The following SPATA16 variants were observed in gnomAD, a reference collection of about 807,000 sequenced individuals.
SPATA16 encodes the protein spermatogenesis associated 16.
Under a neutral mutation model 63.3 loss-of-function variants are expected in SPATA16, and 36 were observed. The ratio of observed to expected loss-of-function variants is 0.57; its 90% CI spans 0.44 to 0.75. SPATA16 has a LOEUF of 0.75. Among genes scored for constraint, SPATA16 ranks in the 30% least tolerant of loss-of-function variants. SPATA16 has a pLI of 0.00. For synonymous variants in SPATA16, 203 were observed against 216.7 expected, an observed-to-expected ratio of 0.94 and a Z score of 0.56; for missense variants, 646 against 679.3, an observed-to-expected ratio of 0.95 and a Z score of 0.54.
chr3:172,996,987 C>G (rs1392786882), intron 4 of SPATA16, among the ~76,000 whole-genome samples: 1 of 152,008 alleles, frequency 6.6e-6, no homozygotes, highest in African/African-American at 2.4e-5. Context: ...TAGTGCCAAA[C>G]AGTATTCTAT....
intron 4 of SPATA16, among the ~76,000 whole-genome samples, chr3:172,991,350 C>T (rs549026087): frequency 6.6e-6 from 1 of 152,148 alleles, no homozygotes; most frequent in Non-Finnish European, 1.5e-5. Flanking sequence ...ATCTCATTTT[C>T]TTCTTTTCCT....
At chr3:172,925,156 G>T (rs1316259610) in intron 7 of SPATA16, among the ~76,000 whole-genome samples, 190 bp downstream of exon 7, 1 of 152,086 alleles carries the variant, frequency 6.6e-6, no homozygotes. Context: ...GATGATTAGA[G>T]TGAGGGGGGT....
intron 4 of SPATA16, among the ~76,000 whole-genome samples, chr3:173,000,290 C>A (rs953741304): frequency 6.6e-6 from 1 of 152,188 alleles, no homozygotes; most frequent in Non-Finnish European, 1.5e-5. Context: ...GTGTGAAATA[C>A]ATTTCTATTG....
At chr3:173,051,408 T>G (rs980857582) in intron 2 of SPATA16, among the ~76,000 whole-genome samples, 1 of 152,166 alleles carries the variant, frequency 6.6e-6, no homozygotes, top group South Asian at 2.1e-4. Flanking sequence ...TTCACCGTGT[T>G]AGCCAGGATG....
chr3:173,026,034 T>A (rs1395467719), intron 3 of SPATA16, among the ~76,000 whole-genome samples: 1 of 152,030 alleles, frequency 6.6e-6, no homozygotes, highest in Non-Finnish European at 1.5e-5. Context: ...CTGCATTCTC[T>A]CCAGCAATGC....
At chr3:172,993,776 G>A (rs144557674) in intron 4 of SPATA16, among the ~76,000 whole-genome samples, 42 of 152,022 alleles carry the variant, frequency 2.8e-4, no homozygotes, top group African/African-American at 9.6e-4. Flanking sequence ...CCCCTCCCCC[G>A]CTTAAGATGC....
At chr3:172,914,809 C>T (rs537694457) in intron 9 of SPATA16, among the ~76,000 whole-genome samples, 2 of 151,906 alleles carry the variant, frequency 1.3e-5, no homozygotes, top group South Asian at 2.1e-4. Context: ...AGAAAAATTA[C>T]ACTTTAGAAA....
At chr3:173,132,702 G>A (rs923228196) in intron 1 of SPATA16, among the ~76,000 whole-genome samples, 1 of 151,954 alleles carries the variant, frequency 6.6e-6, no homozygotes, top group African/African-American at 2.4e-5. Flanking sequence ...GTAGAAGCTG[G>A]GGAATATAAA....
At chr3:172,975,574 C>T (rs947896364) in intron 5 of SPATA16, among the ~76,000 whole-genome samples, 4 of 152,146 alleles carry the variant, frequency 2.6e-5, no homozygotes, top group East Asian at 1.9e-4. Context: ...CATTTTTAAA[C>T]GACTATTTAG....
chr3:172,961,365 C>T (rs1225865368), intron 5 of SPATA16, among the ~76,000 whole-genome samples: 2 of 152,072 alleles, frequency 1.3e-5, no homozygotes, highest in Non-Finnish European at 2.9e-5. Flanking sequence ...AGCCCAACTT[C>T]TTGAGATTTG....
intron 4 of SPATA16, among the ~76,000 whole-genome samples, chr3:173,011,695 T>C (rs1308661981): frequency 6.6e-6 from 1 of 152,268 alleles, no homozygotes; most frequent in Non-Finnish European, 1.5e-5. Context: ...TATGATTCTA[T>C]GCTAGAAGAC....
At chr3:173,071,356 G>A (rs185097948) in intron 2 of SPATA16, among the ~76,000 whole-genome samples, 8 of 152,166 alleles carry the variant, frequency 5.3e-5, no homozygotes, top group Admixed American at 2.0e-4. Context: ...ACCATTAAAC[G>A]ATTAGAAGAA....
At chr3:173,102,285 G>T (rs920272485) in intron 2 of SPATA16, among the ~76,000 whole-genome samples, 1 of 152,112 alleles carries the variant, frequency 6.6e-6, no homozygotes, top group African/African-American at 2.4e-5. Context: ...AATGGTACAG[G>T]TTCTTATATG....
In SPATA16 at chr3:173,117,262, A is replaced by G. The variant is rs757592456; in HGVS notation, c.470T>C (p.Ile157Thr). ...ATTATGTACACTCAAAGGGTCTACT[A>G]TTTCAGCAGCTTGGCATGTTGGCTG... ...GSQPTCQAAE[I>T]VDPLSVHNFS... The change falls in exon 2 of 11, where the codon ATA becomes ACA. Residue 157 changes from isoleucine to threonine, a missense_variant. Ile to Thr is a moderately conservative substitution (Grantham distance 89). Coordinates refer to ENST00000351008, the MANE Select transcript of SPATA16 (RefSeq NM_031955.6). 7.4e-6 allele frequency: 12 copies of G among 1,614,024 alleles called. No homozygotes were observed. The highest frequency in any genetic ancestry group is 2.7e-5 in the African/African-American group (2 of 74,922).
chr3:172,947,727 A>G (rs1733326362), intron 6 of SPATA16, among the ~76,000 whole-genome samples: 2 of 152,134 alleles, frequency 1.3e-5, no homozygotes, highest in Non-Finnish European at 2.9e-5. Context: ...GAGTTGAACA[A>G]TGAGAACACA....
At chr3:172,918,567 CAAAGTG>C (rs1732550129) in intron 8 of SPATA16, among the ~76,000 whole-genome samples, 4 of 151,046 alleles carry the variant, frequency 2.6e-5, no homozygotes, top group African/African-American at 4.9e-5. Flanking sequence ...TTTTGAAAGA[CAAAGTG>C]AAAAAGAAAT....
intron 1 of SPATA16, among the ~76,000 whole-genome samples, chr3:173,124,376 A>G (rs1042412000): frequency 6.6e-6 from 1 of 152,262 alleles, no homozygotes; most frequent in African/African-American, 2.4e-5. Flanking sequence ...TGATTTATGT[A>G]AGAGAAGCTG....
chr3:173,076,590 A>G (rs1736809203), intron 2 of SPATA16, among the ~76,000 whole-genome samples: 1 of 152,112 alleles, frequency 6.6e-6, no homozygotes, highest in African/African-American at 2.4e-5. Flanking sequence ...GTCTAAAAAA[A>G]TTATTTTAAA....
intron 2 of SPATA16, among the ~76,000 whole-genome samples, chr3:173,075,816 C>T (rs995202757): frequency 6.6e-6 from 1 of 151,822 alleles, no homozygotes; most frequent in African/African-American, 2.4e-5. Context: ...TTAGTGCATA[C>T]AAGAATATAG....
Sources: allele counts gnomAD v4.1 joint callset (sites outside exome capture counted in the v4.1 genomes callset), GRCh38; gene constraint gnomAD v4.1.1; transcripts MANE v1.5; gene names NCBI Gene and HGNC (gene_info 2026-07-23, HGNC 2026-07-21).